The following URB1 variants were observed in gnomAD, a reference collection of about 807,000 sequenced individuals.
URB1 encodes the protein nucleolar pre-ribosomal-associated protein 1.
URB1 carries 197 observed loss-of-function variants against 242.3 expected under a neutral mutation model. The observed-to-expected ratio is 0.81, with a 90% CI of 0.72 to 0.91. The LOEUF is 0.91. Among genes scored for constraint, URB1 ranks in the 40% least tolerant of loss-of-function variants. The pLI is 0.00. For synonymous variants in URB1, 1,153 were observed against 1,201.8 expected, an observed-to-expected ratio of 0.96 and a Z score of 0.84; for missense variants, 2,721 against 2,860.5, an observed-to-expected ratio of 0.95 and a Z score of 1.11.
intron 32 of URB1, among the ~76,000 whole-genome samples, chr21:32,323,484 C>A (rs1035885171): frequency 1.3e-5 from 2 of 152,156 alleles, no homozygotes; most frequent in African/African-American, 4.8e-5. Flanking sequence ...AGCAGTGGTA[C>A]CCCCATTCCT....
chr21:32,350,058 G>A (rs1320115117), intron 20 of URB1, among the ~76,000 whole-genome samples: 5 of 148,120 alleles, frequency 3.4e-5, no homozygotes, highest in Admixed American at 6.7e-5. Flanking sequence ...GGGAGGCAGA[G>A]GTTGCAGTGA....
intron 8 of URB1, among the ~76,000 whole-genome samples, chr21:32,368,998 A>C (rs757645252): frequency 6.6e-6 from 1 of 152,136 alleles, no homozygotes; most frequent in Non-Finnish European, 1.5e-5. Flanking sequence ...CCATGCCCCA[A>C]ATTTCATTTT....
At position 32,347,474 on chromosome 21, in the gene URB1, C is replaced by A; in HGVS notation, c.3350G>T (p.Gly1117Val). The A allele has an allele frequency of 6.4e-7, 1 of 1,550,946 alleles. No homozygotes were observed. Among genetic ancestry groups the A allele is most frequent in the Non-Finnish European group, 8.7e-7 (1 of 1,146,624 alleles). Residue 1117 changes from glycine (G) to valine (V), a missense_variant, in exon 22 of 39, where the codon GGT becomes GTT. Transcript: ENST00000382751. ...ALQELHPYME[G>V]AQLREVTLAL... ...CAGGGTGACCTCACGGAGCTGGGCA[C>A]CCTCCATGTATGGATGCAGCTCCTG...
At position 32,363,489 on chromosome 21, in the gene URB1, C is replaced by T. The variant is rs181271720; in HGVS notation, c.1336-160G>A. Among the ~76,000 whole-genome samples the T allele has an allele frequency of 3.6e-3, 546 of 152,314 alleles. 2 individuals carry two copies. The highest frequency in any genetic ancestry group is 0.012 in the African/African-American group (499 of 41,558). On this transcript the variant is annotated intron_variant, in intron 10 of 38. Transcript: ENST00000382751. ...CTGAGAAGAGGCGACCTGGGTACCT[C>T]GCCCTCCTGACATCCTCTGGGTCTG...
At position 32,354,848 on chromosome 21, in the gene URB1, A is replaced by G; in HGVS notation, c.2245+11T>C. On this transcript the variant is annotated intron_variant, in intron 17 of 38. Coordinates refer to ENST00000382751, the MANE Select transcript of URB1 (RefSeq NM_014825.3). ...AGACCTCTGAGCAGCGCAGAACAGAATGGAACATACCGTCAATGTGGGAGA... is the reference window on the plus strand; with the variant it reads ...AGACCTCTGAGCAGCGCAGAACAGAGTGGAACATACCGTCAATGTGGGAGA... 6.4e-7 allele frequency: 1 copy of G among 1,552,130 alleles called. No individual in the cohort carries two copies. Among genetic ancestry groups the G allele is most frequent in the Non-Finnish European group, 8.7e-7 (1 of 1,147,012 alleles).
intron 25 of URB1, among the ~76,000 whole-genome samples, chr21:32,339,599 T>C (rs1376693538): frequency 1.3e-5 from 2 of 151,928 alleles, no homozygotes; most frequent in African/African-American, 4.8e-5. Context: ...CACACCATTC[T>C]CCTGCCTCAG....
chr21:32,377,931 AG>A, intron 5 of URB1, among the ~76,000 whole-genome samples: 1 of 152,172 alleles, frequency 6.6e-6, no homozygotes, highest in East Asian at 1.9e-4. Flanking sequence ...ATAAAATGCA[AG>A]GGGCCCTGGC....
In URB1 at chr21:32,355,584, C is replaced by G. The variant is rs567520215; in HGVS notation, c.1990-19G>C. The G allele has an allele frequency of 3.2e-6, 5 of 1,540,936 alleles. No homozygotes were observed. In the South Asian group the frequency reaches 3.6e-5, roughly 11 times the overall value. On this transcript the variant is annotated intron_variant, in intron 15 of 38. Transcript: ENST00000382751. ...GCAGAATCTGCCAGGAAGTAGGCAC[C>G]GGTGAAAAAGTCAGAACAGAACGCG...
chr21:32,354,746 A>C, intron 17 of URB1, 113 bp downstream of exon 17: 1 of 1,351,382 alleles, frequency 7.4e-7, no homozygotes, highest in Non-Finnish European at 9.8e-7. Flanking sequence ...CTGCAAAGGG[A>C]CTGTGTGCAC....
In URB1 at chr21:32,383,417, C is replaced by T. The variant is rs80213703; in HGVS notation, c.567+5G>A. 1,828 of 1,550,494 alleles carry T rather than the reference C, an allele frequency of 1.2e-3. 16 individuals are homozygous for T. The African/African-American group carries it at 0.022, about 19-fold the overall frequency. ...GGAAGGCACGAGACACTGTGGTCCCCTCACCTTTGAATCCCTCTTGGTCAC... is the reference window on the plus strand; with the variant it reads ...GGAAGGCACGAGACACTGTGGTCCCTTCACCTTTGAATCCCTCTTGGTCAC... On this transcript the variant is annotated splice_donor_5th_base_variant and intron_variant, in intron 4 of 38. Transcript: ENST00000382751.
At chr21:32,370,215 C>T (rs1380207708) in intron 8 of URB1, among the ~76,000 whole-genome samples, 1 of 152,028 alleles carries the variant, frequency 6.6e-6, no homozygotes, top group African/African-American at 2.4e-5. Flanking sequence ...TTTCTAGGGT[C>T]CCCGGTGTCT....
At chr21:32,390,264 A>G (rs1401948424) in intron 1 of URB1, among the ~76,000 whole-genome samples, 1 of 152,238 alleles carries the variant, frequency 6.6e-6, no homozygotes, top group East Asian at 1.9e-4. Context: ...ACCATGAAAT[A>G]TAGATACTAC....
intron 30 of URB1, among the ~76,000 whole-genome samples, chr21:32,328,281 G>T (rs1352553419): frequency 5.3e-5 from 8 of 152,184 alleles, no homozygotes; most frequent in Admixed American, 2.6e-4. Flanking sequence ...AGGACTACAG[G>T]CATGTGCCAC....
intron 38 of URB1, 144 bp from the exon 39 acceptor site, chr21:32,315,243 T>TA: frequency 3.5e-6 from 2 of 572,812 alleles, no homozygotes; most frequent in Non-Finnish European, 5.4e-6. Context: ...AGCACACCGA[T>TA]ACAACAACTC....
chr21:32,320,546 T>G lies in URB1; in HGVS notation c.5579A>C (p.His1860Pro). ...AGGTACTTACTTGCTTTCAAGGATGTGTAAAATCCATGTTAAAAGGCTATA... is the reference window on the plus strand; with the variant it reads ...AGGTACTTACTTGCTTTCAAGGATGGGTAAAATCCATGTTAAAAGGCTATA... Reference protein sequence around the residue: ...RDYSLLTWILHILESKFLETP... With the variant: ...RDYSLLTWILPILESKFLETP... Residue 1860 changes from histidine (H) to proline (P), a missense_variant, in exon 35 of 39, where the codon CAC becomes CCC. Coordinates refer to ENST00000382751, the MANE Select transcript of URB1 (RefSeq NM_014825.3). 1 of 1,551,714 alleles carries G rather than the reference T, an allele frequency of 6.4e-7. No individual in the cohort carries two copies. Among genetic ancestry groups the G allele is most frequent in the East Asian group, 2.4e-5 (1 of 40,908 alleles).
intron 1 of URB1, 107 bp downstream of exon 1, chr21:32,392,662 G>C (rs945178216): frequency 7.6e-6 from 10 of 1,307,830 alleles, no homozygotes; most frequent in Non-Finnish European, 9.8e-6. Flanking sequence ...GCTTGCCACT[G>C]AGCCTATGTG....
intron 1 of URB1, among the ~76,000 whole-genome samples, chr21:32,391,228 G>A (rs2033634186): frequency 6.6e-6 from 1 of 150,538 alleles, no homozygotes. Flanking sequence ...CGGGTCGGGG[G>A]GAGGGGGGAG....
At position 32,373,717 on chromosome 21, in the gene URB1, T is replaced by C; in HGVS notation, c.806A>G (p.Gln269Arg). 4 of 1,549,674 alleles carry C rather than the reference T, an allele frequency of 2.6e-6. No homozygotes were observed. ...KTQKVRFFTG[Q>R]LLNHIASLYN... is the part of the protein sequence containing the mutation. ...CAGCGATGCTATGTGGTTCAATAAC[T>C]GCCCCGTAAAGAAACGCACCTTCTG... Residue 269 changes from glutamine to arginine, a missense_variant, in exon 7 of 39, where the codon CAG becomes CGG. Gln to Arg is a conservative substitution (Grantham distance 43). Transcript: ENST00000382751.
intron 8 of URB1, 79 bp downstream of exon 8, chr21:32,372,428 G>A (rs2123611778): frequency 1.4e-6 from 2 of 1,478,904 alleles, no homozygotes; most frequent in Non-Finnish European, 9.0e-7. Context: ...ACCTACTACA[G>A]TTCCACTAGA....
Sources: allele counts gnomAD v4.1 joint callset (sites outside exome capture counted in the v4.1 genomes callset), GRCh38; gene constraint gnomAD v4.1.1; transcripts MANE v1.5; gene names NCBI Gene and HGNC (gene_info 2026-07-23, HGNC 2026-07-21).